F3: variants seen among roughly 807,000 people sequenced by gnomAD.
F3 encodes tissue factor.
In F3, 18 loss-of-function variants were observed where a neutral mutation model predicts 33.5. That is an observed-to-expected ratio of 0.54 (90% CI 0.37 to 0.80). The LOEUF (loss-of-function observed/expected upper bound fraction) is 0.80. F3 is among the 30% of genes least tolerant of loss of function. F3 has a pLI of 0.00. For synonymous variants in F3, 147 were observed against 140.7 expected, an observed-to-expected ratio of 1.05 and a Z score of -0.32; for missense variants, 353 against 362.1, an observed-to-expected ratio of 0.97 and a Z score of 0.20.
intron 1 of F3, among the ~76,000 whole-genome samples, chr1:94,541,262 G>T (rs1161417293): frequency 6.6e-6 from 1 of 152,224 alleles, no homozygotes; most frequent in Non-Finnish European, 1.5e-5. Context: ...GTCCGCTTAT[G>T]CAACAACAGT....
chr1:94,533,193 C>A lies in F3; in HGVS notation c.488G>T (p.Arg163Leu), dbSNP rs762289120. 1 of 1,613,914 alleles carries A rather than the reference C, an allele frequency of 6.2e-7. No homozygotes were observed. The change falls in exon 4 of 6, where the codon CGG becomes CTG. Residue 163 changes from arginine to leucine, a missense_variant. Coordinates refer to ENST00000334047, the MANE Select transcript of F3 (RefSeq NM_001993.5). ...AGTGTTGTTCCTTCTGACTAAAGTC[C>A]GTTCATCTTCTACGGTCACATTCAC... The part of the protein sequence containing the change: ...TKVNVTVEDE[R>L]TLVRRNNTFL...
intron 2 of F3, among the ~76,000 whole-genome samples, chr1:94,538,200 A>G (rs1041893427): frequency 4.6e-5 from 7 of 152,270 alleles, no homozygotes; most frequent in African/African-American, 1.7e-4. Flanking sequence ...TAAAAAATTC[A>G]GTCACTAATT....
intron 5 of F3, 137 bp downstream of exon 5, chr1:94,532,184 C>A: frequency 2.3e-6 from 2 of 884,420 alleles, no homozygotes; most frequent in South Asian, 1.9e-5. Context: ...CAAATAACAA[C>A]AAAAAACCTC....
intron 4 of F3, 30 bp downstream of exon 4, chr1:94,533,060 G>A: frequency 6.3e-7 from 1 of 1,598,730 alleles, no homozygotes; most frequent in Non-Finnish European, 8.5e-7. Context: ...ATTTAAAACA[G>A]GTCATAAAAA....
Position 94,532,445 on chromosome 1 carries a change from A to T in F3, c.627T>A (p.Ile209=), listed in dbSNP as rs771098897. The part of the protein sequence containing the change: ...TAKTNTNEFL[I]DVDKGENYCF... ...AGTAGTTTTCTCCTTTATCCACATC[A>T]ATCAAAAACTCATTAGTGTTTGTTT... is the stretch of plus-strand genomic sequence containing the variant. The change falls in exon 5 of 6, where the codon ATT becomes ATA. Residue 209 remains isoleucine (I), a synonymous_variant. Coordinates refer to ENST00000334047, the MANE Select transcript of F3 (RefSeq NM_001993.5). 6.8e-6 allele frequency: 11 copies of T among 1,614,138 alleles called. No individual in the cohort carries two copies. Among genetic ancestry groups the T allele is most frequent in the Non-Finnish European group, 9.3e-6 (11 of 1,180,024 alleles).
chr1:94,531,955 C>T (rs1651447042), intron 5 of F3, among the ~76,000 whole-genome samples: 1 of 152,128 alleles, frequency 6.6e-6, no homozygotes, highest in Admixed American at 6.5e-5. Context: ...AGAAGCCACC[C>T]CCAGAATTAG....
At chr1:94,539,357 G>A (rs1651703596) in intron 2 of F3, among the ~76,000 whole-genome samples, 1 of 152,112 alleles carries the variant, frequency 6.6e-6, no homozygotes, top group Admixed American at 6.6e-5. Flanking sequence ...TCACTTAAAA[G>A]ATGCATCGTT....
In F3 at chr1:94,540,356, G is replaced by T. The variant is rs752052573; in HGVS notation, c.113C>A (p.Thr38Asn). 17 of 1,612,146 alleles carry T rather than the reference G, an allele frequency of 1.1e-5. No individual in the cohort carries two copies. Among genetic ancestry groups the T allele is most frequent in the Non-Finnish European group, 1.4e-5 (17 of 1,178,558 alleles). The change falls in exon 2 of 6, where the codon ACT becomes AAT. Residue 38 changes from threonine (T) to asparagine (N), a missense_variant. Coordinates refer to ENST00000334047, the MANE Select transcript of F3 (RefSeq NM_001993.5). ...CCAAGTTAAATTATATGCTGCCACA[G>T]TATTTGTAGTGCCTTTAAACAACAG... ...QVAGASGTTNTVAAYNLTWKS... is the reference protein window; with the variant it reads ...QVAGASGTTNNVAAYNLTWKS...
chr1:94,532,312 G>T lies in F3; in HGVS notation c.751+9C>A, dbSNP rs1348033071. The T allele has an allele frequency of 6.2e-7, 1 of 1,613,016 alleles. No individual in the cohort carries two copies. Among genetic ancestry groups the T allele is most frequent in the African/African-American group, 1.3e-5 (1 of 74,902 alleles). On this transcript the variant is annotated intron_variant, in intron 5 of 5. Transcript: ENST00000334047. The stretch of plus-strand genomic sequence containing the variant: ...TACCCCCAGGCAAATGGCTGGCAGA[G>T]CCACTCACCTCTGAATTCCCCTTTC...
In F3 at chr1:94,540,360, T is replaced by C; in HGVS notation, c.109A>G (p.Asn37Asp). Residue 37 changes from asparagine (N) to aspartate (D), a missense_variant, in exon 2 of 6, where the codon AAT becomes GAT. Coordinates refer to ENST00000334047, the MANE Select transcript of F3 (RefSeq NM_001993.5). Reference sequence around the variant, plus strand: ...GTTAAATTATATGCTGCCACAGTATTTGTAGTGCCTTTAAACAACAGAGAA... The same window carrying C: ...GTTAAATTATATGCTGCCACAGTATCTGTAGTGCCTTTAAACAACAGAGAA... ...AQVAGASGTT[N>D]TVAAYNLTWK... The C allele has an allele frequency of 6.2e-7, 1 of 1,610,568 alleles. No homozygotes were observed. The highest frequency in any genetic ancestry group is 8.5e-7 in the Non-Finnish European group (1 of 1,177,030).
chr1:94,533,375 G>T, intron 3 of F3, 107 bp from the exon 4 acceptor site: 2 of 1,348,390 alleles, frequency 1.5e-6, no homozygotes, highest in Non-Finnish European at 2.1e-6. Context: ...TATAAAACAT[G>T]TGCATAGAAC....
At chr1:94,534,752 A>C (rs1187435410) in intron 3 of F3, among the ~76,000 whole-genome samples, 2 of 152,202 alleles carry the variant, frequency 1.3e-5, no homozygotes, top group Non-Finnish European at 2.9e-5. Flanking sequence ...ATCAATTCAC[A>C]GGCCAAATAT....
intron 1 of F3, chr1:94,540,833 G>A (rs1269659017): frequency 6.4e-6 from 1 of 156,712 alleles, no homozygotes; most frequent in Non-Finnish European, 1.4e-5. Context: ...ACTTTTATCT[G>A]AAATGTCGCT....
Position 94,540,347 on chromosome 1 carries a change from G to A in F3, c.122C>T (p.Ala41Val), listed in dbSNP as rs992912330. The change falls in exon 2 of 6, where the codon GCA becomes GTA. Residue 41 changes from alanine (A) to valine (V), a missense_variant. Ala to Val is a moderately conservative substitution (Grantham distance 64, BLOSUM62 0). Coordinates refer to ENST00000334047, the MANE Select transcript of F3 (RefSeq NM_001993.5). ...AGTTGATTTCCAAGTTAAATTATATGCTGCCACAGTATTTGTAGTGCCTTT... is the reference window on the plus strand; with the variant it reads ...AGTTGATTTCCAAGTTAAATTATATACTGCCACAGTATTTGTAGTGCCTTT... ...GASGTTNTVAAYNLTWKSTNF... is the reference protein window; with the variant it reads ...GASGTTNTVAVYNLTWKSTNF... The A allele has an allele frequency of 1.1e-5, 18 of 1,613,484 alleles. No homozygotes were observed. Among genetic ancestry groups the A allele is most frequent in the Non-Finnish European group, 1.2e-5 (14 of 1,179,632 alleles).
intron 3 of F3, among the ~76,000 whole-genome samples, 189 bp downstream of exon 3, chr1:94,535,776 G>A (rs1303657389): frequency 6.6e-6 from 1 of 152,074 alleles, no homozygotes; most frequent in Non-Finnish European, 1.5e-5. Context: ...ACTGTCATCA[G>A]CTCCAAAGTT....
In F3 at chr1:94,533,154, C is replaced by T. The variant is rs553960053; in HGVS notation, c.527G>A (p.Arg176Gln). 3 of 1,613,660 alleles carry T rather than the reference C, an allele frequency of 1.9e-6. No homozygotes were observed. The highest frequency in any genetic ancestry group is 1.3e-5 in the African/African-American group (1 of 74,900). The change falls in exon 4 of 6, where the codon CGG (arginine) becomes CAG (glutamine). Residue 176 changes from arginine to glutamine, a missense_variant. Physicochemically the swap from Arg to Gln is conservative, Grantham distance 43 (BLOSUM62 1). Transcript: ENST00000334047. ...AATTAAGTCCTTGCCAAAAACATCCCGGAGGCTTAGGAAAGTGTTGTTCCT... is the reference window on the plus strand; with the variant it reads ...AATTAAGTCCTTGCCAAAAACATCCTGGAGGCTTAGGAAAGTGTTGTTCCT... Reference protein sequence around the residue: ...VRRNNTFLSLRDVFGKDLIYT... With the variant: ...VRRNNTFLSLQDVFGKDLIYT...
chr1:94,536,307 C>A, intron 2 of F3, 143 bp from the exon 3 acceptor site: 1 of 732,714 alleles, frequency 1.4e-6, no homozygotes, highest in Admixed American at 2.5e-5. Flanking sequence ...CTGTGCTGAG[C>A]ACTTTGCTTT....
At chr1:94,537,055 A>T (rs779854524) in intron 2 of F3, among the ~76,000 whole-genome samples, 57 of 152,130 alleles carry the variant, frequency 3.7e-4, no homozygotes, top group Non-Finnish European at 7.6e-4. Context: ...ATTATACTAC[A>T]TGCCTCCCTT....
chr1:94,539,061 T>C (rs2101094053), intron 2 of F3, among the ~76,000 whole-genome samples: 1 of 152,298 alleles, frequency 6.6e-6, no homozygotes, highest in East Asian at 1.9e-4. Context: ...ATTTAGGAGG[T>C]AAGCATTCCT....
Sources: allele counts gnomAD v4.1 joint callset (sites outside exome capture counted in the v4.1 genomes callset), GRCh38; gene constraint gnomAD v4.1.1; transcripts MANE v1.5; gene names NCBI Gene and HGNC (gene_info 2026-07-23, HGNC 2026-07-21).